PPP1R9A: variants seen among roughly 807,000 people sequenced by gnomAD.
PPP1R9A encodes neurabin-1.
A neutral mutation model predicts 141.9 loss-of-function variants in PPP1R9A; 59 were observed. The ratio of observed to expected loss-of-function variants is 0.42; its 90% CI spans 0.34 to 0.52. The LOEUF (loss-of-function observed/expected upper bound fraction) is 0.52. Among genes scored for constraint, PPP1R9A ranks in the 20% least tolerant of loss-of-function variants. PPP1R9A has a pLI of 0.10. For missense variants in PPP1R9A, 1,444 were observed against 1,611.9 expected (o/e 0.90, Z 1.78); for synonymous variants, 500 against 569.7 (o/e 0.88, Z 1.74).
At chr7:95,169,193 A>T (rs569071841) in intron 5 of PPP1R9A, among the ~76,000 whole-genome samples, 1 of 152,120 alleles carries the variant, frequency 6.6e-6, no homozygotes, top group South Asian at 2.1e-4. Flanking sequence ...ACACGGTGAA[A>T]TACTATTTTG....
chr7:94,937,608 T>C (rs1794906069), intron 2 of PPP1R9A, among the ~76,000 whole-genome samples: 1 of 152,172 alleles, frequency 6.6e-6, no homozygotes, highest in African/African-American at 2.4e-5. Context: ...ATGACCCAAT[T>C]ACACAGGCGT....
intron 2 of PPP1R9A, among the ~76,000 whole-genome samples, chr7:95,110,492 T>C (rs906201463): frequency 6.6e-6 from 1 of 152,202 alleles, no homozygotes; most frequent in Non-Finnish European, 1.5e-5. Flanking sequence ...TTCTTTCATA[T>C]ATTTTTTCCT....
intron 4 of PPP1R9A, among the ~76,000 whole-genome samples, chr7:95,158,769 G>A (rs1457806047): frequency 6.6e-6 from 1 of 152,108 alleles, no homozygotes; most frequent in Non-Finnish European, 1.5e-5. Flanking sequence ...AACAACAACA[G>A]TGTAACAAAT....
intron 8 of PPP1R9A, among the ~76,000 whole-genome samples, chr7:95,228,265 C>T (rs1795420273): frequency 6.6e-6 from 1 of 152,102 alleles, no homozygotes; most frequent in Non-Finnish European, 1.5e-5. Flanking sequence ...ACTCAAAGCT[C>T]GCATGTTTTT....
At chr7:94,979,043 C>T (rs978599828) in intron 2 of PPP1R9A, among the ~76,000 whole-genome samples, 9 of 152,252 alleles carry the variant, frequency 5.9e-5, no homozygotes, top group East Asian at 1.9e-4. Context: ...GTGATTCCTC[C>T]GCCTTGGCCC....
chr7:95,225,875 T>G (rs1343659943), intron 7 of PPP1R9A, 86 bp from the exon 8 acceptor site: 16 of 1,418,188 alleles, frequency 1.1e-5, no homozygotes, highest in Admixed American at 2.1e-5. Flanking sequence ...GTACATGTCT[T>G]ACTTGTCTTT....
rs1327455118 is a variant in PPP1R9A at position 95,007,837 on chromosome 7, C to T, written c.1395+96329C>T. Among the ~76,000 whole-genome samples the T allele has an allele frequency of 3.3e-5, 5 of 152,036 alleles. 1 individual carries two copies. The South Asian group carries it at 8.3e-4, about 25-fold the overall frequency. ...CTGTAATACCAGCACTTTGGGAGGC[C>T]GAGGCGGGCGGATCACCTGAGGTCA... is the stretch of plus-strand genomic sequence containing the variant. On this transcript the variant is annotated intron_variant, in intron 2 of 19. Transcript: ENST00000433360.
chr7:95,057,820 A>T (rs1811700949), intron 2 of PPP1R9A, among the ~76,000 whole-genome samples: 1 of 152,100 alleles, frequency 6.6e-6, no homozygotes, highest in African/African-American at 2.4e-5. Context: ...GGAATTCATT[A>T]TATTGAATGA....
At chr7:95,127,507 CT>C (rs113436552) in intron 4 of PPP1R9A, among the ~76,000 whole-genome samples, 35 of 145,744 alleles carry the variant, frequency 2.4e-4, no homozygotes, top group East Asian at 1.2e-3. Flanking sequence ...TTTTTTCTTT[CT>C]TTTTTTTTTT....
At chr7:95,007,092 C>T (rs1803721061) in intron 2 of PPP1R9A, among the ~76,000 whole-genome samples, 1 of 152,024 alleles carries the variant, frequency 6.6e-6, no homozygotes, top group Non-Finnish European at 1.5e-5. Flanking sequence ...GAACTCCCGA[C>T]CTCAGGTGAT....
intron 9 of PPP1R9A, among the ~76,000 whole-genome samples, chr7:95,247,987 T>C (rs900511707): frequency 6.6e-6 from 1 of 151,728 alleles, no homozygotes; most frequent in African/African-American, 2.4e-5. Context: ...AATACATGCA[T>C]AATTTAAGTG....
chr7:95,255,075 A>T (rs1325808321), intron 12 of PPP1R9A, among the ~76,000 whole-genome samples: 1 of 152,074 alleles, frequency 6.6e-6, no homozygotes, highest in African/African-American at 2.4e-5. Flanking sequence ...GTTTATATCA[A>T]TGTGCTGGTC....
chr7:94,957,772 G>A (rs10266024), intron 2 of PPP1R9A, among the ~76,000 whole-genome samples: 91,950 of 151,826 alleles, frequency 0.61, 28,703 homozygotes, highest in East Asian at 1. Flanking sequence ...TTTACTGTAC[G>A]ACCCCTTTCT....
intron 4 of PPP1R9A, among the ~76,000 whole-genome samples, chr7:95,138,941 GT>G (rs139678468): frequency 6.6e-6 from 1 of 152,156 alleles, no homozygotes; most frequent in African/African-American, 2.4e-5. Context: ...CAGTTTGGAA[GT>G]TTTTTTTAAA....
At chr7:95,173,115 A>T (rs570916128) in intron 5 of PPP1R9A, among the ~76,000 whole-genome samples, 62 of 152,072 alleles carry the variant, frequency 4.1e-4, no homozygotes, top group Non-Finnish European at 5.9e-4. Context: ...GAACACTAAG[A>T]TTTCTAGAAA....
In PPP1R9A at chr7:95,072,739, TATA is replaced by T. The variant is rs1267885903; in HGVS notation, c.1396-38516_1396-38514del. On this transcript the variant is annotated intron_variant, in intron 2 of 19. Coordinates refer to ENST00000433360, the MANE Select transcript of PPP1R9A (RefSeq NM_001166160.2). ...TTATATGTATATTTATTACATATAA[TATA>T]ATATATAATATTATATTAAATATAT... is the stretch of plus-strand genomic sequence containing the variant. Among the ~76,000 whole-genome samples the T allele has an allele frequency of 2.1e-3, 227 of 108,802 alleles. 1 individual carries two copies. The highest frequency in any genetic ancestry group is 8.0e-3 in the African/African-American group (215 of 26,722). 71.4% of individuals were successfully genotyped at this position (108,802 alleles called of 152,430 possible).
intron 4 of PPP1R9A, among the ~76,000 whole-genome samples, chr7:95,146,089 T>C (rs1827557788): frequency 6.6e-6 from 1 of 152,210 alleles, no homozygotes; most frequent in African/African-American, 2.4e-5. Context: ...TCTTTCACAA[T>C]GGTTGGACAA....
chr7:95,073,561 T>G (rs1263643777), intron 2 of PPP1R9A, among the ~76,000 whole-genome samples: 1 of 151,630 alleles, frequency 6.6e-6, no homozygotes, highest in Admixed American at 6.6e-5. Flanking sequence ...TTTACCTAAT[T>G]TCTACACAAT....
chr7:94,951,841 CT>C (rs71528100), intron 2 of PPP1R9A, among the ~76,000 whole-genome samples: 15,719 of 142,236 alleles, frequency 0.11, 896 homozygotes, highest in Admixed American at 0.16. Flanking sequence ...CCATTTAGGA[CT>C]TTTTTTTTTT....
Sources: allele counts gnomAD v4.1 joint callset (sites outside exome capture counted in the v4.1 genomes callset), GRCh38; gene constraint gnomAD v4.1.1; transcripts MANE v1.5; gene names NCBI Gene and HGNC (gene_info 2026-07-23, HGNC 2026-07-21).